DPYS: variants seen among roughly 807,000 people sequenced by gnomAD.
DPYS encodes the protein dihydropyrimidinase, also known as dihydropyrimidine amidohydrolase.
A neutral mutation model predicts 50.3 loss-of-function variants in DPYS; 39 were observed. That is an observed-to-expected ratio of 0.78 (90% confidence interval 0.60 to 1.01). The LOEUF is 1.01. Ranked by LOEUF, DPYS falls within the 50% of genes least tolerant of loss-of-function variation. DPYS has a pLI of 0.00. For missense variants in DPYS, 659 were observed against 680.9 expected (o/e 0.97, Z 0.36); for synonymous variants, 245 against 250.7 (o/e 0.98, Z 0.22).
At chr8:104,398,859 G>A (rs1257688297) in intron 7 of DPYS, among the ~76,000 whole-genome samples, 1 of 152,138 alleles carries the variant, frequency 6.6e-6, no homozygotes, top group Non-Finnish European at 1.5e-5. Context: ...TGCCCAAAGT[G>A]GCTTCTCCTG....
rs188874262 is a variant in DPYS at position 104,427,355 on chromosome 8, C to T, written c.1092+625G>A. Among the ~76,000 whole-genome samples the T allele has an allele frequency of 5.0e-4, 76 of 150,808 alleles. 1 individual carries two copies. Among genetic ancestry groups the T allele is most frequent in the East Asian group, 4.8e-3 (24 of 4,962 alleles). On this transcript the variant is annotated intron_variant, in intron 6 of 9. Coordinates refer to ENST00000351513, the MANE Select transcript of DPYS (RefSeq NM_001385.3). The stretch of plus-strand genomic sequence containing the variant: ...GTGCAATGGTGCCATCTTGACTCAC[C>T]ACAACCTCTGCCTCACAAGTTCAAG...
chr8:104,433,625 C>T (rs1374568714), intron 4 of DPYS, among the ~76,000 whole-genome samples: 2 of 152,078 alleles, frequency 1.3e-5, no homozygotes, highest in East Asian at 3.9e-4. Flanking sequence ...CAGAACGCGA[C>T]TCTTTTTCCA....
intron 7 of DPYS, among the ~76,000 whole-genome samples, chr8:104,398,547 C>T (rs1811665165): frequency 6.6e-6 from 1 of 152,218 alleles, no homozygotes; most frequent in Non-Finnish European, 1.5e-5. Flanking sequence ...AAGAACCCTG[C>T]CTGACACAGC....
chr8:104,415,614 A>G (rs915301073), intron 7 of DPYS, among the ~76,000 whole-genome samples: 1 of 151,796 alleles, frequency 6.6e-6, no homozygotes, highest in Non-Finnish European at 1.5e-5. Context: ...TGTCTTCTGA[A>G]GGCCACAAAA....
At chr8:104,416,845 A>G (rs1812386270) in intron 7 of DPYS, among the ~76,000 whole-genome samples, 1 of 151,450 alleles carries the variant, frequency 6.6e-6, no homozygotes, top group Non-Finnish European at 1.5e-5. Flanking sequence ...AGGGTACCTG[A>G]CTCCTCCTTT....
intron 7 of DPYS, among the ~76,000 whole-genome samples, chr8:104,394,208 A>G (rs1321360332): frequency 6.6e-6 from 1 of 152,158 alleles, no homozygotes; most frequent in African/African-American, 2.4e-5. Flanking sequence ...GAGCAGCTCA[A>G]AGTTCCCCCA....
At chr8:104,450,756 C>T (rs1163519280) in intron 2 of DPYS, among the ~76,000 whole-genome samples, 2 of 152,180 alleles carry the variant, frequency 1.3e-5, no homozygotes, top group Admixed American at 6.5e-5. Flanking sequence ...CCAGGCCTGT[C>T]CCTTCCTCTC....
intron 7 of DPYS, chr8:104,423,947 A>C (rs975114791): frequency 1.0e-6 from 1 of 976,902 alleles, no homozygotes; most frequent in South Asian, 4.7e-5. Context: ...ATCACGCTTT[A>C]CCTTTCTTCC....
At chr8:104,460,900 T>C (rs1303510807) in intron 1 of DPYS, among the ~76,000 whole-genome samples, 1 of 152,104 alleles carries the variant, frequency 6.6e-6, no homozygotes, top group Non-Finnish European at 1.5e-5. Context: ...TGTTCAAAGC[T>C]CAGCCTCACC....
chr8:104,393,045 A>C, intron 7 of DPYS, 54 bp from the exon 8 acceptor site: 1 of 1,503,740 alleles, frequency 6.7e-7, no homozygotes, highest in Non-Finnish European at 9.2e-7. Flanking sequence ...CTCACTTGAT[A>C]AATATAAAAT....
At chr8:104,466,614 C>G (rs886356255) in intron 1 of DPYS, 43 bp downstream of exon 1, 138 of 1,486,418 alleles carry the variant, frequency 9.3e-5, no homozygotes, top group Non-Finnish European at 1.2e-4. Context: ...GCTGCCCGAG[C>G]CTCCGTGGGT....
intron 4 of DPYS, among the ~76,000 whole-genome samples, chr8:104,441,330 C>T (rs1034969556): frequency 1.3e-5 from 2 of 152,118 alleles, no homozygotes; most frequent in African/African-American, 4.8e-5. Context: ...TAGGAATCTA[C>T]CCTCAAGATA....
chr8:104,429,780 C>A (rs941865893), intron 4 of DPYS, 79 bp from the exon 5 acceptor site: 17 of 1,560,346 alleles, frequency 1.1e-5, no homozygotes, highest in Middle Eastern at 2.1e-4. Flanking sequence ...AAATATTAAT[C>A]TTTTCTCCCC....
At chr8:104,395,468 C>T (rs544559686) in intron 7 of DPYS, among the ~76,000 whole-genome samples, 3 of 152,214 alleles carry the variant, frequency 2.0e-5, no homozygotes, top group Admixed American at 2.0e-4. Context: ...GTAGTCACGC[C>T]CTCCCCCAAT....
At chr8:104,431,762 CA>C (rs1023751335) in intron 4 of DPYS, among the ~76,000 whole-genome samples, 8 of 152,250 alleles carry the variant, frequency 5.3e-5, no homozygotes, top group Non-Finnish European at 1.0e-4. Flanking sequence ...GCTGGTTTGA[CA>C]GATGAAAAAA....
intron 7 of DPYS, among the ~76,000 whole-genome samples, chr8:104,399,866 CAAA>C (rs57562204): frequency 3.0e-4 from 16 of 52,518 alleles, no homozygotes; most frequent in South Asian, 1.2e-3. Flanking sequence ...GACTCCGTCT[CAAA>C]AAAAAAAAAA....
In DPYS at chr8:104,395,045, A is replaced by C. The variant is rs568747041; in HGVS notation, c.1236-2054T>G. ...GTTTTGCTCTTGTTGCCTAGGCTGGAAGTACAGTGGTGTGACCATAGCTCA... is the reference window on the plus strand; with the variant it reads ...GTTTTGCTCTTGTTGCCTAGGCTGGCAGTACAGTGGTGTGACCATAGCTCA... On this transcript the variant is annotated intron_variant, in intron 7 of 9. Transcript: ENST00000351513. 1.3e-3 allele frequency among the ~76,000 whole-genome samples: 195 copies of C among 151,698 alleles called. 2 individuals are homozygous for C. The highest frequency in any genetic ancestry group is 4.4e-3 in the African/African-American group (183 of 41,346).
intron 1 of DPYS, among the ~76,000 whole-genome samples, chr8:104,454,872 G>A (rs945787414): frequency 1.3e-5 from 2 of 152,140 alleles, no homozygotes; most frequent in African/African-American, 2.4e-5. Flanking sequence ...TTCCAATTAA[G>A]TATAATGATA....
At chr8:104,399,269 C>A (rs1588408498) in intron 7 of DPYS, among the ~76,000 whole-genome samples, 1 of 104,508 alleles carries the variant, frequency 9.6e-6, no homozygotes, top group African/African-American at 3.8e-5. Flanking sequence ...CCAGCCTGGG[C>A]AACAGAGTGA....
Sources: gnomAD v4.1 joint callset for allele counts (sites outside exome capture counted in the v4.1 genomes callset) on GRCh38, gnomAD v4.1.1 for gene constraint, MANE v1.5 for transcripts, NCBI Gene and HGNC (gene_info 2026-07-23, HGNC 2026-07-21) for gene names.